GPC5: variants seen among roughly 807,000 people sequenced by gnomAD.
GPC5 encodes glypican 5.
GPC5 carries 47 observed loss-of-function variants against 53.9 expected under a neutral mutation model. The observed-to-expected ratio is 0.87, with a 90% confidence interval of 0.69 to 1.11. The LOEUF (loss-of-function observed/expected upper bound fraction) is 1.11, where lower values mean the gene tolerates loss of function less well. GPC5 is among the 50% of genes most tolerant of loss of function. The probability of loss-of-function intolerance (pLI) is 0.00; values close to 1 mark genes in which losing one functional copy is unlikely to be tolerated. For missense variants in GPC5, 748 were observed against 713.1 expected (o/e 1.05, Z -0.56); for synonymous variants, 286 against 263.3 (o/e 1.09, Z -0.84).
At chr13:91,750,836 A>AT (rs1427288642) in intron 4 of GPC5, among the ~76,000 whole-genome samples, 1 of 151,598 alleles carries the variant, frequency 6.6e-6, no homozygotes, top group Non-Finnish European at 1.5e-5. Flanking sequence ...CTAATTTTGT[A>AT]TTTTTTGTAA....
At chr13:92,707,562 T>C (rs754974488) in intron 7 of GPC5, among the ~76,000 whole-genome samples, 4 of 152,006 alleles carry the variant, frequency 2.6e-5, no homozygotes, top group Non-Finnish European at 5.9e-5. Flanking sequence ...TTACTAAGTT[T>C]AATTGAGAAA....
intron 7 of GPC5, chr13:92,721,602 T>C (rs1449581248): frequency 6.6e-6 from 1 of 151,998 alleles, no homozygotes; most frequent in Non-Finnish European, 1.5e-5. Context: ...AAAAGAAGTT[T>C]TTTGCAAACC....
intron 7 of GPC5, among the ~76,000 whole-genome samples, chr13:92,726,107 C>T (rs1238356911): frequency 6.6e-6 from 1 of 151,372 alleles, no homozygotes; most frequent in Non-Finnish European, 1.5e-5. Flanking sequence ...AGAGTAGAGT[C>T]AGAGCTCCAG....
At chr13:92,481,175 A>C (rs1211792542) in intron 7 of GPC5, among the ~76,000 whole-genome samples, 1 of 151,130 alleles carries the variant, frequency 6.6e-6, no homozygotes, top group Non-Finnish European at 1.5e-5. Flanking sequence ...ATCTCTGCTT[A>C]CTGCAAGCTC....
chr13:92,312,299 A>G (rs891730290), intron 7 of GPC5, among the ~76,000 whole-genome samples: 1 of 152,158 alleles, frequency 6.6e-6, no homozygotes, highest in Non-Finnish European at 1.5e-5. Flanking sequence ...AATGGACTAT[A>G]TGATACATGA....
At chr13:92,637,444 A>G (rs574540583) in intron 7 of GPC5, among the ~76,000 whole-genome samples, 4 of 152,330 alleles carry the variant, frequency 2.6e-5, no homozygotes, top group South Asian at 2.1e-4. Flanking sequence ...AAGGGAAGGC[A>G]GAAAAATCTC....
intron 2 of GPC5, among the ~76,000 whole-genome samples, chr13:91,651,012 G>T (rs1483939262): frequency 6.6e-6 from 1 of 152,000 alleles, no homozygotes; most frequent in African/African-American, 2.4e-5. Context: ...CAAATGTCAG[G>T]CTGGGTTCTC....
chr13:92,405,547 G>A (rs940054909), intron 7 of GPC5, among the ~76,000 whole-genome samples: 3 of 151,942 alleles, frequency 2.0e-5, no homozygotes, highest in Admixed American at 6.6e-5. Flanking sequence ...TCCTTAACAT[G>A]AACATTGAGT....
Position 92,605,579 on chromosome 13 carries a change from T to G in GPC5, c.1562-260703T>G, listed in dbSNP as rs529577537. On this transcript the variant is annotated intron_variant, in intron 7 of 7. Transcript: ENST00000377067. ...AAATGAGCAGCCGTATTCACTAGTT[T>G]TTTTTTTTTTTTTATTTTTTTGAGA... Among the ~76,000 whole-genome samples, 1,151 of 149,042 alleles carry G rather than the reference T, an allele frequency of 7.7e-3. 23 individuals carry two copies. Among genetic ancestry groups the G allele is most frequent in the African/African-American group, 0.028 (1,096 of 38,756 alleles).
At chr13:91,933,613 G>C (rs372450356) in intron 6 of GPC5, among the ~76,000 whole-genome samples, 1 of 151,888 alleles carries the variant, frequency 6.6e-6, no homozygotes, top group Non-Finnish European at 1.5e-5. Context: ...ACACGTCCAA[G>C]TTTTCTCAGG....
chr13:91,638,786 T>C (rs1457173340), intron 2 of GPC5, among the ~76,000 whole-genome samples: 1 of 152,168 alleles, frequency 6.6e-6, no homozygotes, highest in Non-Finnish European at 1.5e-5. Context: ...ATACCCCAAA[T>C]GAGAAAAAGC....
intron 7 of GPC5, among the ~76,000 whole-genome samples, chr13:92,864,392 C>A (rs1230822961): frequency 1.3e-5 from 2 of 152,098 alleles, no homozygotes; most frequent in Non-Finnish European, 2.9e-5. Flanking sequence ...TATTTTCACC[C>A]ATGATGGCAT....
At chr13:91,499,171 G>C (rs1175629062) in intron 2 of GPC5, among the ~76,000 whole-genome samples, 15 of 152,114 alleles carry the variant, frequency 9.9e-5, no homozygotes, top group Admixed American at 8.5e-4. Flanking sequence ...AGGTGGCTTT[G>C]GGTTTCCACC....
At chr13:92,023,143 T>C (rs1276676087) in intron 6 of GPC5, among the ~76,000 whole-genome samples, 5 of 152,094 alleles carry the variant, frequency 3.3e-5, no homozygotes, top group Non-Finnish European at 7.4e-5. Flanking sequence ...TTCCAAGAAA[T>C]TTTCATGTGT....
intron 2 of GPC5, among the ~76,000 whole-genome samples, chr13:91,684,030 C>T (rs2035567305): frequency 1.3e-5 from 2 of 152,224 alleles, no homozygotes; most frequent in Non-Finnish European, 2.9e-5. Context: ...TATTCCTCAT[C>T]TCAGTTGCCC....
At chr13:92,149,569 C>G (rs2041892557) in intron 7 of GPC5, among the ~76,000 whole-genome samples, 1 of 151,840 alleles carries the variant, frequency 6.6e-6, no homozygotes, top group Non-Finnish European at 1.5e-5. Flanking sequence ...TGTCAGCGTA[C>G]TAAGAATGAC....
chr13:92,512,249 TGCGCGC>T (rs141496625), intron 7 of GPC5, among the ~76,000 whole-genome samples: 9 of 149,486 alleles, frequency 6.0e-5, no homozygotes, highest in Non-Finnish European at 8.9e-5. Flanking sequence ...TGTGTGTGTG[TGCGCGC>T]GCGCGCGCGT....
chr13:92,082,752 A>G (rs1277074367), intron 6 of GPC5, among the ~76,000 whole-genome samples: 1 of 152,162 alleles, frequency 6.6e-6, no homozygotes, highest in African/African-American at 2.4e-5. Context: ...GGGAAGTGAA[A>G]TATCTGCCAA....
At chr13:92,365,664 C>CT (rs967687159) in intron 7 of GPC5, among the ~76,000 whole-genome samples, 39 of 144,384 alleles carry the variant, frequency 2.7e-4, no homozygotes, top group South Asian at 4.3e-4. Context: ...TTTTTCTTTT[C>CT]TTTTTTTTTT....
Sources: gnomAD v4.1 joint callset for allele counts (sites outside exome capture counted in the v4.1 genomes callset) on GRCh38, gnomAD v4.1.1 for gene constraint, MANE v1.5 for transcripts, NCBI Gene and HGNC (gene_info 2026-07-23, HGNC 2026-07-21) for gene names.